The following PARP4 variants were observed in gnomAD, a reference collection of about 807,000 sequenced individuals.
PARP4 encodes protein mono-ADP-ribosyltransferase PARP4.
Under a neutral mutation model 187.7 loss-of-function variants are expected in PARP4, and 120 were observed. The observed-to-expected ratio is 0.64, with a 90% CI of 0.55 to 0.74. The LOEUF (loss-of-function observed/expected upper bound fraction) is 0.74. PARP4 is among the 30% of genes least tolerant of loss of function. The pLI is 0.00. For synonymous variants in PARP4, 654 were observed against 740.9 expected (o/e 0.88, Z 1.90); for missense variants, 1,836 against 2,070.5 (o/e 0.89, Z 2.20).
At chr13:24,506,201 G>A (rs1185576754) in intron 1 of PARP4, among the ~76,000 whole-genome samples, 2 of 152,200 alleles carry the variant, frequency 1.3e-5, no homozygotes, top group African/African-American at 4.8e-5. Context: ...CTCGCAGTGA[G>A]CGTTACAGTT....
chr13:24,447,178 G>A lies in PARP4; in HGVS notation c.3123C>T (p.Asp1041=), dbSNP rs753015617. The A allele has an allele frequency of 2.8e-5, 45 of 1,600,780 alleles. No individual in the cohort carries two copies. The East Asian group carries it at 7.0e-4, about 25-fold the overall frequency. Residue 1041 remains aspartate (D), a synonymous_variant, in exon 26 of 34, where the codon GAC becomes GAT. Coordinates refer to ENST00000381989, the MANE Select transcript of PARP4 (RefSeq NM_006437.4). ...SKHSWRKQIE[D]QMTRLCSPSC... is the part of the protein sequence containing the mutation. Reference sequence around the variant, plus strand: ...TCGGAGAACATAGCCTGGTCATTTGGTCTTCTATCTATTTATAAAAGAGGA... The same window carrying A: ...TCGGAGAACATAGCCTGGTCATTTGATCTTCTATCTATTTATAAAAGAGGA...
Position 24,441,859 on chromosome 13 carries a change from G to A in PARP4, c.3653C>T (p.Ala1218Val), listed in dbSNP as rs773995327. Residue 1218 changes from alanine (A) to valine (V), a missense_variant, in exon 30 of 34, where the codon GCC becomes GTC. Around this residue, in one of 8 missense-constraint regions of PARP4, gnomAD observed 47 missense variants for 99.5 expected, o/e 0.47. Coordinates refer to ENST00000381989, the MANE Select transcript of PARP4 (RefSeq NM_006437.4). ...ATCAGCATTTACCTGGTTCCTGACG[G>A]CTTCTTGGGGCTCCCCCTGCCAGCT... ...YMSWQGEPQE[A>V]VRNQSLLASS... 26 of 1,596,618 alleles carry A rather than the reference G, an allele frequency of 1.6e-5. No individual in the cohort carries two copies. The highest frequency in any genetic ancestry group is 1.7e-4 in the Middle Eastern group (1 of 5,982).
chr13:24,452,264 T>G (rs904505089), intron 24 of PARP4, 142 bp downstream of exon 24: 1 of 653,586 alleles, frequency 1.5e-6, no homozygotes, highest in African/African-American at 1.8e-5. Context: ...GCAGTCTGGC[T>G]GGGAGCCCGG....
rs34792097 is a variant in PARP4 at position 24,425,543 on chromosome 13, ATGTGTG to A, written c.4979+917_4979+922del. ...TGTGTATATGTGTATGCATGTGTGC[ATGTGTG>A]TGTGTGTGTGTGTGTGTGTGTATAT... On this transcript the variant is annotated intron_variant, in intron 33 of 33. Coordinates refer to ENST00000381989, the MANE Select transcript of PARP4 (RefSeq NM_006437.4). Among the ~76,000 whole-genome samples, 302 of 145,006 alleles carry A rather than the reference ATGTGTG, an allele frequency of 2.1e-3. 4 individuals are homozygous for A. In the East Asian group the frequency reaches 0.039, roughly 19 times the overall value.
intron 15 of PARP4, among the ~76,000 whole-genome samples, chr13:24,472,166 T>C (rs1218549196): frequency 1.8e-5 from 2 of 110,698 alleles, no homozygotes; most frequent in African/African-American, 6.0e-5. Context: ...GGCATAATTA[T>C]AGCACTTGGC....
intron 3 of PARP4, among the ~76,000 whole-genome samples, chr13:24,500,710 G>A (rs185688710): frequency 9.2e-5 from 14 of 152,342 alleles, no homozygotes; most frequent in Admixed American, 9.1e-4. Context: ...CTGAGAGTCG[G>A]CACATCACGA....
intron 17 of PARP4, among the ~76,000 whole-genome samples, chr13:24,468,761 G>C (rs1401522503): frequency 1.3e-5 from 2 of 152,016 alleles, no homozygotes; most frequent in Non-Finnish European, 2.9e-5. Context: ...TTATCTTTTT[G>C]TCTGTCATTC....
At chr13:24,441,242 A>G (rs886838826) in intron 30 of PARP4, among the ~76,000 whole-genome samples, 1 of 152,052 alleles carries the variant, frequency 6.6e-6, no homozygotes, top group African/African-American at 2.4e-5. Flanking sequence ...GGCTGAAGTG[A>G]TTTTTCCCAC....
At chr13:24,495,993 T>G (rs1868925281) in intron 6 of PARP4, among the ~76,000 whole-genome samples, 1 of 152,020 alleles carries the variant, frequency 6.6e-6, no homozygotes, top group Non-Finnish European at 1.5e-5. Context: ...AGACTCGGGC[T>G]CGCTAAGGGA....
intron 17 of PARP4, among the ~76,000 whole-genome samples, chr13:24,463,778 T>C (rs1872321860): frequency 6.6e-6 from 1 of 152,108 alleles, no homozygotes; most frequent in Non-Finnish European, 1.5e-5. Context: ...TTCAATATAG[T>C]ATTGGAAGTT....
At chr13:24,494,551 A>G (rs1231128143) in intron 7 of PARP4, 22 bp downstream of exon 7, 3 of 1,590,850 alleles carry the variant, frequency 1.9e-6, no homozygotes, top group Non-Finnish European at 2.6e-6. Flanking sequence ...TCAACAACAA[A>G]AAAATTATAA....
chr13:24,469,757 C>G, intron 16 of PARP4, 137 bp downstream of exon 16: 1 of 916,866 alleles, frequency 1.1e-6, no homozygotes. Flanking sequence ...AGAACTGATT[C>G]TTCAAAGAAT....
chr13:24,468,767 C>T (rs1872599522), intron 17 of PARP4, among the ~76,000 whole-genome samples: 1 of 152,168 alleles, frequency 6.6e-6, no homozygotes, highest in Non-Finnish European at 1.5e-5. Context: ...TTTTGTCTGT[C>T]ATTCCTTCTG....
chr13:24,460,035 G>C lies in PARP4; in HGVS notation c.2235C>G (p.Val745=), dbSNP rs748256444. ...GTGCTACGGTGGCGGGCATGAAAAA[G>C]ACACCAACAGTGCCCAGGATGCTGA... ...TELSILGTVG[V]FFMPATVAPW... The change falls in exon 18 of 34, where the codon GTC becomes GTG. Residue 745 remains valine, a synonymous_variant. Transcript: ENST00000381989. 8 of 1,613,952 alleles carry C rather than the reference G, an allele frequency of 5.0e-6. No homozygotes were observed. In the East Asian group the frequency reaches 1.6e-4, roughly 31 times the overall value.
intron 10 of PARP4, among the ~76,000 whole-genome samples, chr13:24,488,092 T>C (rs1344435453): frequency 1.3e-5 from 2 of 152,200 alleles, no homozygotes; most frequent in South Asian, 2.1e-4. Flanking sequence ...CCACTTTAGC[T>C]GTGTGACTGC....
intron 1 of PARP4, among the ~76,000 whole-genome samples, chr13:24,507,252 C>G (rs190991192): frequency 2.6e-5 from 4 of 152,236 alleles, no homozygotes; most frequent in Non-Finnish European, 2.9e-5. Context: ...CAGCGGCGGG[C>G]TGAAGGGCTC....
At chr13:24,427,311 A>C (rs1870107418) in intron 32 of PARP4, among the ~76,000 whole-genome samples, 1 of 152,152 alleles carries the variant, frequency 6.6e-6, no homozygotes, top group African/African-American at 2.4e-5. Context: ...TTGAAAAATG[A>C]ATGTTTACAT....
At position 24,501,838 on chromosome 13, in the gene PARP4, A is replaced by AG. The variant is rs1300200080; in HGVS notation, c.133-5dup. ...TATCTAAGATTATATGTGTGCACTA[A>AG]GGAAAAAAAGAGTCAATCCATTATG... On this transcript the variant is annotated splice_region_variant and splice_polypyrimidine_tract_variant and intron_variant, in intron 2 of 33. Transcript: ENST00000381989. 6.4e-7 allele frequency: 1 copy of AG among 1,568,488 alleles called. No individual in the cohort carries two copies. Among genetic ancestry groups the AG allele is most frequent in the Admixed American group, 1.7e-5 (1 of 58,936 alleles).
chr13:24,482,705 T>G (rs2137518357), intron 12 of PARP4, among the ~76,000 whole-genome samples: 1 of 152,348 alleles, frequency 6.6e-6, no homozygotes, highest in South Asian at 2.1e-4. Flanking sequence ...GACTAGAGTG[T>G]AAACCTCTTA....
Sources: gnomAD v4.1 joint callset for allele counts (sites outside exome capture counted in the v4.1 genomes callset) on GRCh38, gnomAD v4.1.1 for gene constraint, gnomAD v4.1.1 regional missense constraint, MANE v1.5 for transcripts, NCBI Gene and HGNC (gene_info 2026-07-23, HGNC 2026-07-21) for gene names.